COL4A2: variants seen among roughly 807,000 people sequenced by gnomAD.
COL4A2 encodes the protein collagen alpha-2(IV) chain.
COL4A2 carries 99 observed loss-of-function variants against 200.2 expected under a neutral mutation model. The observed-to-expected ratio is 0.49, with a 90% CI of 0.42 to 0.58. The LOEUF (loss-of-function observed/expected upper bound fraction) is 0.58, where lower values mean the gene tolerates loss of function less well. Ranked by LOEUF, COL4A2 falls within the 20% of genes least tolerant of loss-of-function variation. The pLI is 0.00. For missense variants in COL4A2, 1,950 were observed against 2,314.1 expected (o/e 0.84, Z 3.23); for synonymous variants, 897 against 900.6 (o/e 1.00, Z 0.07).
intron 30 of COL4A2, 103 bp downstream of exon 30, chr13:110,478,267 C>A (rs1339983737): frequency 2.4e-6 from 3 of 1,228,916 alleles, no homozygotes; most frequent in East Asian, 2.8e-5. Flanking sequence ...TTCCATGGAA[C>A]CCCTTAAGAG....
At chr13:110,380,777 A>G (rs1422612809) in intron 4 of COL4A2, among the ~76,000 whole-genome samples, 1 of 149,594 alleles carries the variant, frequency 6.7e-6, no homozygotes, top group Non-Finnish European at 1.5e-5. Context: ...GCTCTGTGTC[A>G]CACCCACGGG....
At chr13:110,329,755 C>A (rs1454878067) in intron 3 of COL4A2, among the ~76,000 whole-genome samples, 1 of 152,110 alleles carries the variant, frequency 6.6e-6, no homozygotes, top group Non-Finnish European at 1.5e-5. Context: ...TGAAGTACTT[C>A]GGTGGATGCA....
intron 3 of COL4A2, among the ~76,000 whole-genome samples, chr13:110,320,069 C>A (rs558173990): frequency 6.6e-6 from 1 of 152,366 alleles, no homozygotes; most frequent in South Asian, 2.1e-4. Context: ...TAAGGCACAC[C>A]GCACAGTGAG....
In COL4A2 at chr13:110,358,687, T is replaced by G. The variant is rs1210236083; in HGVS notation, c.180+1135T>G. Among the ~76,000 whole-genome samples the G allele has an allele frequency of 2.6e-5, 4 of 152,322 alleles. No individual in the cohort carries two copies. The East Asian group carries it at 7.7e-4, about 29-fold the overall frequency. On this transcript the variant is annotated intron_variant, in intron 4 of 47. Transcript: ENST00000360467. The stretch of plus-strand genomic sequence containing the variant: ...CCACTATCTTCAGTGCAGTCTGTTG[T>G]TGACCAAAAAGTCATGATGCGGTGC...
At chr13:110,409,113 A>G (rs7325356) in intron 4 of COL4A2, among the ~76,000 whole-genome samples, 111,734 of 147,778 alleles carry the variant, frequency 0.76, 42,738 homozygotes, top group East Asian at 0.93. Flanking sequence ...TACACATAAC[A>G]CACATATACA....
intron 4 of COL4A2, among the ~76,000 whole-genome samples, chr13:110,373,787 C>T (rs559725712): frequency 8.4e-4 from 128 of 152,386 alleles, no homozygotes; most frequent in African/African-American, 3.0e-3. Flanking sequence ...CCTCCAGCAT[C>T]TGTGGAGTTG....
chr13:110,455,540 G>A (rs1056707670), intron 20 of COL4A2, among the ~76,000 whole-genome samples: 1 of 152,168 alleles, frequency 6.6e-6, no homozygotes, highest in Non-Finnish European at 1.5e-5. Context: ...TGCATTGTGT[G>A]TTTAATGTGT....
At chr13:110,377,569 G>A (rs1878289645) in intron 4 of COL4A2, among the ~76,000 whole-genome samples, 1 of 152,330 alleles carries the variant, frequency 6.6e-6, no homozygotes, top group East Asian at 1.9e-4. Flanking sequence ...TGGGGAATCA[G>A]GAGGGTGGGA....
chr13:110,508,114 G>C lies in COL4A2; in HGVS notation c.4774G>C (p.Val1592Leu). Reference sequence around the variant, plus strand: ...CAAGCCCTACATCAGCCGCTGTTCTGTGTGTGAGGCCCCGGCCATCGCCAT... The same window carrying C: ...CAAGCCCTACATCAGCCGCTGTTCTCTGTGTGAGGCCCCGGCCATCGCCAT... ...EIKPYISRCS[V>L]CEAPAIAIAV... Residue 1592 changes from valine to leucine, a missense_variant, in exon 47 of 48, where the codon GTG becomes CTG. Physicochemically the swap from Val to Leu is conservative, Grantham distance 32. Around this residue, in one of 2 missense-constraint regions of COL4A2, gnomAD observed 1,385 missense variants for 1,720.5 expected, o/e 0.80. Coordinates refer to ENST00000360467, the MANE Select transcript of COL4A2 (RefSeq NM_001846.4). This position sits in a 1 kb window ranked among gnomAD's most constrained non-coding sequence, Gnocchi z 6.1. 2 of 1,614,254 alleles carry C rather than the reference G, an allele frequency of 1.2e-6. No individual in the cohort carries two copies. Among genetic ancestry groups the C allele is most frequent in the Non-Finnish European group, 8.5e-7 (1 of 1,180,042 alleles).
chr13:110,342,296 A>G (rs1190615752), intron 3 of COL4A2, among the ~76,000 whole-genome samples: 1 of 152,252 alleles, frequency 6.6e-6, no homozygotes, highest in African/African-American at 2.4e-5. Context: ...AAATCAAGTA[A>G]GACCCTTTTA....
chr13:110,467,211 C>T (rs1031589335), intron 27 of COL4A2, 115 bp downstream of exon 27: 20 of 1,364,976 alleles, frequency 1.5e-5, no homozygotes, highest in Admixed American at 1.1e-4. Flanking sequence ...CAGACATGGT[C>T]GTGTCCAGCA....
At chr13:110,319,510 C>T (rs1202880454) in intron 3 of COL4A2, among the ~76,000 whole-genome samples, 1 of 152,104 alleles carries the variant, frequency 6.6e-6, no homozygotes, top group African/African-American at 2.4e-5. Context: ...CAGAAAGATT[C>T]CCTCCATACC....
chr13:110,501,182 C>T (rs1883625826), intron 40 of COL4A2, among the ~76,000 whole-genome samples: 1 of 152,222 alleles, frequency 6.6e-6, no homozygotes, highest in African/African-American at 2.4e-5. Flanking sequence ...AAGACCAACT[C>T]TATCCAAGCT....
intron 3 of COL4A2, among the ~76,000 whole-genome samples, chr13:110,322,644 C>T (rs1330631705): frequency 1.3e-5 from 2 of 152,158 alleles, no homozygotes; most frequent in Non-Finnish European, 2.9e-5. Flanking sequence ...CACCAGCCTC[C>T]CCTCTTCCTG....
At chr13:110,495,068 C>T (rs1883411224) in intron 39 of COL4A2, among the ~76,000 whole-genome samples, 1 of 152,242 alleles carries the variant, frequency 6.6e-6, no homozygotes, top group Non-Finnish European at 1.5e-5. Context: ...GGGGTCCCAG[C>T]TCCTTGACCC....
At chr13:110,473,318 T>C (rs1882555167) in intron 29 of COL4A2, 168 bp downstream of exon 29, 1 of 584,062 alleles carries the variant, frequency 1.7e-6, no homozygotes. Context: ...AATGTGTCTG[T>C]CACAACACTG....
At chr13:110,347,299 C>T (rs1594160906) in intron 3 of COL4A2, among the ~76,000 whole-genome samples, 1 of 152,118 alleles carries the variant, frequency 6.6e-6, no homozygotes, top group Non-Finnish European at 1.5e-5. Flanking sequence ...AGCTCTAGGC[C>T]GGGGAGCCAG....
rs781603184 is a variant in COL4A2, at chr13:110,495,356, G to A, written c.3649G>A (p.Gly1217Arg). The A allele has an allele frequency of 9.9e-6, 16 of 1,614,102 alleles. No individual in the cohort carries two copies. Among genetic ancestry groups the A allele is most frequent in the Middle Eastern group, 1.6e-4 (1 of 6,062 alleles). ...CTCTTCCACAGGTTCTGACATCCAC[G>A]GAGACCCAGGCTTCCCAGGCCCTCC... ...FPGSPGSDIH[G>R]DPGFPGPPGE... Residue 1217 changes from glycine to arginine, a missense_variant, in exon 40 of 48, where the codon GGA becomes AGA. By Grantham distance (125) the Gly-to-Arg change is moderately radical (BLOSUM62 -2). Around this residue, in one of 2 missense-constraint regions of COL4A2, gnomAD observed 1,385 missense variants for 1,720.5 expected, o/e 0.80. Coordinates refer to ENST00000360467, the MANE Select transcript of COL4A2 (RefSeq NM_001846.4).
At chr13:110,322,159 A>G (rs73620915) in intron 3 of COL4A2, among the ~76,000 whole-genome samples, 496 of 152,328 alleles carry the variant, frequency 3.3e-3, no homozygotes, top group African/African-American at 0.011. Flanking sequence ...GGTTTAGGAA[A>G]TGGCGATGTG....
Sources: gnomAD v4.1 joint callset for allele counts (sites outside exome capture counted in the v4.1 genomes callset) on GRCh38, gnomAD v4.1.1 for gene constraint, gnomAD v4.1.1 regional missense constraint, Gnocchi (gnomAD v3.1) non-coding constraint, MANE v1.5 for transcripts, NCBI Gene and HGNC (gene_info 2026-07-23, HGNC 2026-07-21) for gene names.